MAPK10: variants seen among roughly 807,000 people sequenced by gnomAD.
MAPK10 encodes mitogen-activated protein kinase 10.
A neutral mutation model predicts 59.3 loss-of-function variants in MAPK10; 25 were observed. That is an observed-to-expected ratio of 0.42 (90% CI 0.31 to 0.59). The LOEUF (loss-of-function observed/expected upper bound fraction) is 0.59. MAPK10 is among the 20% of genes least tolerant of loss of function. MAPK10 has a pLI of 0.15. For missense variants in MAPK10, 351 were observed against 568.9 expected, an observed-to-expected ratio of 0.62 and a Z score of 3.90; for synonymous variants, 190 against 200.5, an observed-to-expected ratio of 0.95 and a Z score of 0.44.
rs531301259 is a variant in MAPK10 at position 86,500,694 on chromosome 4, G to C, written c.-263+93216C>G. ...ATAATACTAACCTTTCCTCCAGTGT[G>C]TGTTGTGATGTTTAATTAATGTTTA... On this transcript the variant is annotated intron_variant, in intron 1 of 4. Coordinates refer to the MAPK10 transcript ENST00000502302. Among the ~76,000 whole-genome samples the C allele has an allele frequency of 3.4e-4, 52 of 152,158 alleles. 1 individual carries two copies. Among genetic ancestry groups the C allele is most frequent in the African/African-American group, 1.2e-3 (50 of 41,530 alleles).
intron 2 of MAPK10, among the ~76,000 whole-genome samples, chr4:86,212,234 A>C (rs559260037): frequency 1.3e-5 from 2 of 152,264 alleles, no homozygotes; most frequent in South Asian, 4.1e-4. Flanking sequence ...AATAGACTGA[A>C]AGTCAGAGGA....
chr4:86,110,858 C>G (rs1205932108), intron 4 of MAPK10, among the ~76,000 whole-genome samples: 3 of 152,144 alleles, frequency 2.0e-5, no homozygotes, highest in Non-Finnish European at 4.4e-5. Context: ...TTCTTCCTAT[C>G]CATGAGCACG....
intron 1 of MAPK10, among the ~76,000 whole-genome samples, chr4:86,419,176 T>G (rs1337283086): frequency 6.6e-6 from 1 of 152,226 alleles, no homozygotes; most frequent in South Asian, 2.1e-4. Flanking sequence ...AAAACTCTCT[T>G]TACTGGCTTT....
chr4:86,401,211 T>C (rs527947813), intron 1 of MAPK10, among the ~76,000 whole-genome samples: 10 of 152,256 alleles, frequency 6.6e-5, no homozygotes, highest in South Asian at 4.1e-4. Flanking sequence ...AAGGAGTTTA[T>C]CACTGGACTC....
intron 1 of MAPK10, among the ~76,000 whole-genome samples, chr4:86,406,331 C>T (rs1471832064): frequency 6.6e-6 from 1 of 152,148 alleles, no homozygotes; most frequent in Non-Finnish European, 1.5e-5. Context: ...AGTTATTCCG[C>T]TGCAAGCTAG....
chr4:86,379,400 G>A (rs890666135), intron 1 of MAPK10, among the ~76,000 whole-genome samples: 4 of 152,188 alleles, frequency 2.6e-5, no homozygotes, highest in Non-Finnish European at 4.4e-5. Context: ...TTTTGTTACT[G>A]AACTTCTTTT....
intron 1 of MAPK10, among the ~76,000 whole-genome samples, chr4:86,389,742 C>A (rs1741957424): frequency 6.6e-6 from 1 of 152,148 alleles, no homozygotes; most frequent in Admixed American, 6.6e-5. Context: ...AGGATTCTGA[C>A]TACTGTATAG....
chr4:86,033,961 C>T (rs191216137), intron 11 of MAPK10, among the ~76,000 whole-genome samples: 102 of 152,200 alleles, frequency 6.7e-4, no homozygotes, highest in Middle Eastern at 6.8e-3. Flanking sequence ...TGCCTCCTTC[C>T]GCTAAGGAGA....
intron 2 of MAPK10, among the ~76,000 whole-genome samples, chr4:86,230,817 A>G (rs1445625843): frequency 6.6e-6 from 1 of 152,188 alleles, no homozygotes; most frequent in Non-Finnish European, 1.5e-5. Flanking sequence ...TTAATCACCT[A>G]GTTTTATAGT....
intron 2 of MAPK10, among the ~76,000 whole-genome samples, chr4:86,330,821 A>G (rs2096135361): frequency 1.3e-5 from 2 of 152,206 alleles, no homozygotes; most frequent in Non-Finnish European, 2.9e-5. Context: ...GGTTAATTTG[A>G]CATAGTCATA....
intron 9 of MAPK10, among the ~76,000 whole-genome samples, chr4:86,074,666 C>T (rs2048847033): frequency 6.9e-6 from 1 of 144,820 alleles, no homozygotes; most frequent in Non-Finnish European, 1.5e-5. Flanking sequence ...TCAGTTTGGC[C>T]TGATATGAAA....
intron 1 of MAPK10, among the ~76,000 whole-genome samples, chr4:86,482,415 C>T (rs1247091620): frequency 6.6e-6 from 1 of 152,094 alleles, no homozygotes; most frequent in Non-Finnish European, 1.5e-5. Context: ...GTCAGTGCCC[C>T]AAATACCACA....
At chr4:86,037,495 G>C (rs990418231) in intron 11 of MAPK10, among the ~76,000 whole-genome samples, 3 of 151,786 alleles carry the variant, frequency 2.0e-5, no homozygotes, top group African/African-American at 7.3e-5. Context: ...ATTCCAGCCT[G>C]GGTGACTGAG....
intron 2 of MAPK10, among the ~76,000 whole-genome samples, chr4:86,255,059 A>G (rs1328086666): frequency 2.0e-5 from 3 of 151,976 alleles, no homozygotes; most frequent in South Asian, 2.1e-4. Flanking sequence ...CCAAAGAAAA[A>G]TAATGATAAA....
At chr4:86,251,910 A>C (rs1298441323) in intron 2 of MAPK10, among the ~76,000 whole-genome samples, 2 of 127,072 alleles carry the variant, frequency 1.6e-5, no homozygotes, top group African/African-American at 8.4e-5. Context: ...TTTGATTTGC[A>C]TTTCTCTGAT....
At chr4:86,489,285 A>G (rs535119292) in intron 1 of MAPK10, among the ~76,000 whole-genome samples, 1 of 152,358 alleles carries the variant, frequency 6.6e-6, no homozygotes, top group African/African-American at 2.4e-5. Context: ...TTTATGCAGT[A>G]ATAGATAACT....
At chr4:86,325,489 T>C (rs2096002028) in intron 2 of MAPK10, among the ~76,000 whole-genome samples, 1 of 152,230 alleles carries the variant, frequency 6.6e-6, no homozygotes, top group Non-Finnish European at 1.5e-5. Flanking sequence ...CTCTGAAATT[T>C]CATTTATTGA....
intron 4 of MAPK10, among the ~76,000 whole-genome samples, chr4:86,136,409 C>A (rs1340917768): frequency 6.6e-6 from 1 of 151,868 alleles, no homozygotes; most frequent in Non-Finnish European, 1.5e-5. Flanking sequence ...GAATTTTCAA[C>A]CCAGAACTTC....
At chr4:86,371,382 A>C (rs1389325416) in intron 1 of MAPK10, among the ~76,000 whole-genome samples, 1 of 152,184 alleles carries the variant, frequency 6.6e-6, no homozygotes, top group East Asian at 1.9e-4. Flanking sequence ...GTTACAATAC[A>C]ATCCTCACTA....
Sources: gnomAD v4.1 joint callset for allele counts (sites outside exome capture counted in the v4.1 genomes callset) on GRCh38, gnomAD v4.1.1 for gene constraint, MANE v1.5 for transcripts, NCBI Gene and HGNC (gene_info 2026-07-23, HGNC 2026-07-21) for gene names.